NUP160: variants seen among roughly 807,000 people sequenced by gnomAD.
NUP160 encodes nuclear pore complex protein Nup160.
A neutral mutation model predicts 196.9 loss-of-function variants in NUP160; 94 were observed. That is an observed-to-expected ratio of 0.48 (90% CI 0.40 to 0.57). The LOEUF is 0.57. Among genes scored for constraint, NUP160 ranks in the 20% least tolerant of loss-of-function variants. The pLI is 0.00. For synonymous variants in NUP160, 605 were observed against 619.7 expected (o/e 0.98, Z 0.35); for missense variants, 1,638 against 1,748.3 (o/e 0.94, Z 1.13).
At chr11:47,791,936 C>T in exon 29 of NUP160, 2 of 1,610,164 alleles carry the variant, frequency 1.2e-6, no homozygotes, top group Non-Finnish European at 1.7e-6. Context: ...TCACTGGGGG[C>T]AGCTGTGCAT....
At chr11:47,799,831 C>T (rs1462597104) in intron 23 of NUP160, among the ~76,000 whole-genome samples, 1 of 152,178 alleles carries the variant, frequency 6.6e-6, no homozygotes, top group Non-Finnish European at 1.5e-5. Context: ...CAGGCGTGAG[C>T]CACTGCACCC....
chr11:47,831,119 C>T (rs978266067), intron 7 of NUP160, among the ~76,000 whole-genome samples: 7 of 152,078 alleles, frequency 4.6e-5, no homozygotes, highest in African/African-American at 7.2e-5. Flanking sequence ...GCCGAGATCA[C>T]GCCACTGCAC....
chr11:47,840,504 T>C, exon 3 of NUP160: 1 of 1,614,144 alleles, frequency 6.2e-7, no homozygotes, highest in Non-Finnish European at 8.5e-7. Flanking sequence ...CACTGCAATT[T>C]TGGAATTTTA....
intron 23 of NUP160, among the ~76,000 whole-genome samples, chr11:47,798,828 T>A (rs536564578): frequency 1.3e-5 from 2 of 151,850 alleles, no homozygotes; most frequent in Non-Finnish European, 2.9e-5. Context: ...CGACCCTGTC[T>A]CTATCCTCAG....
At chr11:47,822,453 T>C (rs1851881734) in intron 7 of NUP160, among the ~76,000 whole-genome samples, 1 of 152,042 alleles carries the variant, frequency 6.6e-6, no homozygotes, top group African/African-American at 2.4e-5. Context: ...AGATGGGGTT[T>C]CACCGTGTTG....
At chr11:47,812,161 A>G (rs761326204) in exon 17 of NUP160, 2 of 1,614,024 alleles carry the variant, frequency 1.2e-6, no homozygotes, top group Non-Finnish European at 1.7e-6. Flanking sequence ...TCTGCACACA[A>G]TATACCCTGC....
rs113643151 is a variant in NUP160, at chr11:47,803,556, C to A, written c.2677-20G>T. The A allele has an allele frequency of 3.6e-5, 49 of 1,348,118 alleles. No individual in the cohort carries two copies. Among genetic ancestry groups the A allele is most frequent in the African/African-American group, 2.9e-4 (20 of 69,788 alleles). 83.5% of individuals were successfully genotyped at this position (1,348,118 alleles called of 1,614,324 possible). On this transcript the variant is annotated intron_variant, in intron 21 of 35. Coordinates refer to ENST00000378460, the Ensembl canonical transcript of NUP160. ...ATAATCCTTAAAGGCATAAAAGGTG[C>A]TTTCTGATTAGAAAATAAATGTTAC...
At chr11:47,844,289 GCAATC>G (rs998360376) in intron 2 of NUP160, among the ~76,000 whole-genome samples, 15 of 152,082 alleles carry the variant, frequency 9.9e-5, no homozygotes, top group African/African-American at 3.6e-4. Context: ...AGCAGTCAAA[GCAATC>G]CTTTAGAAGC....
intron 31 of NUP160, among the ~76,000 whole-genome samples, chr11:47,787,963 C>A (rs1251863141): frequency 2.0e-5 from 3 of 152,100 alleles, no homozygotes; most frequent in East Asian, 1.9e-4. Context: ...GCCTCGTGAT[C>A]CGCCCGCCTC....
At chr11:47,788,437 G>A (rs1162287533) in intron 30 of NUP160, 64 bp downstream of exon 30, 4 of 1,540,464 alleles carry the variant, frequency 2.6e-6, no homozygotes, top group Non-Finnish European at 9.0e-7. Context: ...TACATACACT[G>A]CCTGGACCTA....
intron 17 of NUP160, among the ~76,000 whole-genome samples, chr11:47,809,940 G>A (rs773947298): frequency 2.6e-5 from 4 of 151,876 alleles, no homozygotes; most frequent in Non-Finnish European, 5.9e-5. Context: ...AATTTAAGTA[G>A]TAATCACTGG....
At chr11:47,807,617 AGATC>A (rs1378157878) in intron 18 of NUP160, among the ~76,000 whole-genome samples, 2 of 152,114 alleles carry the variant, frequency 1.3e-5, no homozygotes, top group Admixed American at 1.3e-4. Context: ...CAGTGAGCCG[AGATC>A]GCACCATTGC....
At chr11:47,805,390 CA>C (rs2097676889) in intron 20 of NUP160, among the ~76,000 whole-genome samples, 1 of 151,474 alleles carries the variant, frequency 6.6e-6, no homozygotes. Context: ...CTTGGCCTCC[CA>C]AAGTGCTGGG....
At chr11:47,796,152 TAAAAAAAAAAA>T (rs35398008) in intron 27 of NUP160, 2 of 118,714 alleles carry the variant, frequency 1.7e-5, no homozygotes, top group South Asian at 4.2e-4. Context: ...AGACTTCATC[TAAAAAAAAAAA>T]AAAAAAAAAA....
chr11:47,780,317 G>A (rs2097659924), intron 35 of NUP160, 26 bp downstream of exon 35: 1 of 1,469,244 alleles, frequency 6.8e-7, no homozygotes, highest in Non-Finnish European at 9.5e-7. Flanking sequence ...GCTTACACAA[G>A]ACGTCTCATG....
At chr11:47,782,309 T>TAC (rs2097661789) in intron 34 of NUP160, among the ~76,000 whole-genome samples, 4 of 8,330 alleles carry the variant, frequency 4.8e-4, no homozygotes, top group Non-Finnish European at 8.1e-4. Flanking sequence ...AAAAAATATA[T>TAC]ATATATATAT....
chr11:47,830,474 A>G (rs1020136026), intron 7 of NUP160, among the ~76,000 whole-genome samples: 4 of 152,214 alleles, frequency 2.6e-5, no homozygotes, highest in South Asian at 2.1e-4. Context: ...ATGCCCCTCA[A>G]TGACAGACTG....
At chr11:47,796,419 A>G (rs1038063481) in intron 27 of NUP160, 1 of 336,342 alleles carries the variant, frequency 3.0e-6, no homozygotes, top group African/African-American at 2.1e-5. Context: ...ATAACTGATG[A>G]CATTAAAAAA....
At chr11:47,808,446 G>C in exon 18 of NUP160, 1 of 1,613,602 alleles carries the variant, frequency 6.2e-7, no homozygotes, top group Non-Finnish European at 8.5e-7. Flanking sequence ...CCCATTTAAT[G>C]AGGTAATAAG....
Sources: allele counts gnomAD v4.1 joint callset (sites outside exome capture counted in the v4.1 genomes callset), GRCh38; gene constraint gnomAD v4.1.1; transcripts MANE v1.5; gene names NCBI Gene and HGNC (gene_info 2026-07-23, HGNC 2026-07-21).